The following NCK2 variants were observed in gnomAD, a reference collection of about 807,000 sequenced individuals.
The protein encoded by NCK2 is cytoplasmic protein NCK2.
NCK2 carries 16 observed loss-of-function variants against 33.9 expected under a neutral mutation model. That is an observed-to-expected ratio of 0.47 (90% CI 0.32 to 0.72). The LOEUF is 0.72. Among genes scored for constraint, NCK2 ranks in the 30% least tolerant of loss-of-function variants. NCK2 has a pLI of 0.03. For missense variants in NCK2, 418 were observed against 537.3 expected (o/e 0.78, Z 2.19); for synonymous variants, 273 against 239.9 (o/e 1.14, Z -1.27).
chr2:105,759,067 G>A (rs558949483), intron 1 of NCK2, among the ~76,000 whole-genome samples: 29 of 152,224 alleles, frequency 1.9e-4, no homozygotes, highest in African/African-American at 7.0e-4. Context: ...TTAGTGTTTT[G>A]AATGAACTTA....
chr2:105,794,555 G>A (rs1231469786), intron 1 of NCK2, among the ~76,000 whole-genome samples: 1 of 151,790 alleles, frequency 6.6e-6, no homozygotes, highest in Non-Finnish European at 1.5e-5. Flanking sequence ...ATCTCACAGG[G>A]GAAATACAGT....
intron 4 of NCK2, among the ~76,000 whole-genome samples, chr2:105,890,262 G>A (rs1222287517): frequency 6.6e-6 from 1 of 152,084 alleles, no homozygotes; most frequent in Non-Finnish European, 1.5e-5. Context: ...GTTAAATTAA[G>A]GAGCTTGAAT....
chr2:105,869,572 C>T (rs191879871), intron 3 of NCK2, among the ~76,000 whole-genome samples: 2 of 152,168 alleles, frequency 1.3e-5, no homozygotes, highest in Admixed American at 1.3e-4. Context: ...CCTGCGTGTT[C>T]CCCCGTGAAT....
At chr2:105,856,175 G>A (rs1558871920) in intron 3 of NCK2, among the ~76,000 whole-genome samples, 1 of 152,168 alleles carries the variant, frequency 6.6e-6, no homozygotes, top group Non-Finnish European at 1.5e-5. Context: ...TCAGGTTATG[G>A]GCAGTGCCCT....
chr2:105,829,667 C>A (rs1676092091), intron 2 of NCK2, among the ~76,000 whole-genome samples: 1 of 152,216 alleles, frequency 6.6e-6, no homozygotes, highest in African/African-American at 2.4e-5. Context: ...GGAGGAAGAC[C>A]ACAGAGGCAA....
chr2:105,800,516 A>G (rs913198297), intron 1 of NCK2, among the ~76,000 whole-genome samples: 1 of 152,192 alleles, frequency 6.6e-6, no homozygotes, highest in Admixed American at 6.5e-5. Flanking sequence ...AATAGAATAC[A>G]ATTCAGGATT....
In NCK2 at chr2:105,893,171, C is replaced by T; in HGVS notation, c.1138C>T (p.Gln380Ter). 6.3e-7 allele frequency: 1 copy of T among 1,591,626 alleles called. No individual in the cohort carries two copies. Among genetic ancestry groups the T allele is most frequent in the Non-Finnish European group, 8.6e-7 (1 of 1,168,550 alleles). Residue 380 changes from glutamine to a stop codon, truncating the protein, a stop_gained, in exon 5 of 5, where the codon CAG becomes TAG. Coordinates refer to ENST00000233154, the MANE Select transcript of NCK2 (RefSeq NM_003581.5). LOFTEE classifies it high-confidence loss of function. ...GEKLYLVRALQ is the reference protein window; with the variant it reads ...GEKLYLVRAL ...GAAGCTCTACCTCGTCAGGGCCCTG[C>T]AGTGACGGCGCCCCGGCCCCACACT...
chr2:105,872,021 C>G (rs920878285), intron 3 of NCK2, among the ~76,000 whole-genome samples: 2 of 152,220 alleles, frequency 1.3e-5, no homozygotes, highest in African/African-American at 4.8e-5. Context: ...ACATTTACTG[C>G]TTTTTCTCCA....
At chr2:105,826,071 C>T (rs1023131665) in intron 2 of NCK2, among the ~76,000 whole-genome samples, 3 of 152,264 alleles carry the variant, frequency 2.0e-5, no homozygotes, top group Non-Finnish European at 2.9e-5. Flanking sequence ...AAGAACTATG[C>T]GAGACTGGGT....
chr2:105,796,568 C>G (rs73946300), intron 1 of NCK2, among the ~76,000 whole-genome samples: 1,686 of 152,194 alleles, frequency 0.011, 32 homozygotes, highest in African/African-American at 0.038. Context: ...GTGTTCAGAT[C>G]GGCAGCGTCT....
At chr2:105,817,954 A>G (rs953320127) in intron 2 of NCK2, among the ~76,000 whole-genome samples, 8 of 152,130 alleles carry the variant, frequency 5.3e-5, no homozygotes, top group Non-Finnish European at 7.3e-5. Flanking sequence ...AATATAAATC[A>G]TGCTGCTATA....
At chr2:105,777,348 T>C (rs1051680715) in intron 1 of NCK2, among the ~76,000 whole-genome samples, 10 of 152,118 alleles carry the variant, frequency 6.6e-5, no homozygotes, top group African/African-American at 2.4e-4. Flanking sequence ...CAAGGGTAGC[T>C]TTCAGGTACA....
intron 3 of NCK2, among the ~76,000 whole-genome samples, chr2:105,880,829 G>A (rs1050824870): frequency 6.6e-6 from 1 of 152,018 alleles, no homozygotes; most frequent in African/African-American, 2.4e-5. Flanking sequence ...AGGCTGGAGT[G>A]CAGTGGAGCG....
At chr2:105,814,631 TGC>T (rs1166996125) in intron 1 of NCK2, among the ~76,000 whole-genome samples, 1 of 152,216 alleles carries the variant, frequency 6.6e-6, no homozygotes, top group African/African-American at 2.4e-5. Context: ...ATTAGAGATG[TGC>T]AAAGCCCACT....
chr2:105,864,409 A>G lies in NCK2; in HGVS notation c.226+9120A>G, dbSNP rs139408845. Among the ~76,000 whole-genome samples, 639 of 152,200 alleles carry G rather than the reference A, an allele frequency of 4.2e-3. 2 individuals are homozygous for G. The highest frequency in any genetic ancestry group is 0.014 in the African/African-American group (581 of 41,526). ...TGGATGGGGAACACCTCGGAGAAGT[A>G]TTAGAATGACTCAAGAGTTTCCAGC... is the stretch of plus-strand genomic sequence containing the variant. On this transcript the variant is annotated intron_variant, in intron 3 of 4. Coordinates refer to ENST00000233154, the MANE Select transcript of NCK2 (RefSeq NM_003581.5).
intron 4 of NCK2, 71 bp downstream of exon 4, chr2:105,882,120 C>G (rs761521907): frequency 2.1e-6 from 3 of 1,401,460 alleles, no homozygotes; most frequent in Non-Finnish European, 2.8e-6. Context: ...CTGTGTGCCG[C>G]GCCCTTTTCA....
At chr2:105,813,305 C>T (rs1488985670) in intron 1 of NCK2, among the ~76,000 whole-genome samples, 1 of 152,194 alleles carries the variant, frequency 6.6e-6, no homozygotes, top group Admixed American at 6.5e-5. Flanking sequence ...CCTGAGCCTC[C>T]TGAAGGCTGA....
chr2:105,755,652 C>T (rs191177146), intron 1 of NCK2, among the ~76,000 whole-genome samples: 144 of 151,896 alleles, frequency 9.5e-4, no homozygotes, highest in Non-Finnish European at 1.4e-3. Flanking sequence ...TGCAGGTACA[C>T]GAATACCTTT....
chr2:105,803,299 T>A (rs1365079971), intron 1 of NCK2, among the ~76,000 whole-genome samples: 1 of 152,194 alleles, frequency 6.6e-6, no homozygotes, highest in Non-Finnish European at 1.5e-5. Context: ...TGCTGTTTTT[T>A]ATAGGCACGT....
Sources: allele counts gnomAD v4.1 joint callset (sites outside exome capture counted in the v4.1 genomes callset), GRCh38; gene constraint gnomAD v4.1.1; transcripts MANE v1.5; gene names NCBI Gene and HGNC (gene_info 2026-07-23, HGNC 2026-07-21).